NXPH1: variants seen among roughly 807,000 people sequenced by gnomAD.
NXPH1 encodes neurexophilin-1.
In NXPH1, 5 loss-of-function variants were observed where a neutral mutation model predicts 23.7. That is an observed-to-expected ratio of 0.21 (90% CI 0.11 to 0.44). NXPH1 has a LOEUF of 0.44. Ranked by LOEUF, NXPH1 falls within the 20% of genes least tolerant of loss-of-function variation. NXPH1 has a pLI of 0.99. For missense variants in NXPH1, 324 were observed against 321.6 expected (o/e 1.01, Z -0.06); for synonymous variants, 144 against 122.2 (o/e 1.18, Z -1.18).
intron 2 of NXPH1, among the ~76,000 whole-genome samples, chr7:8,447,751 C>T (rs939243097): frequency 5.3e-5 from 8 of 152,194 alleles, no homozygotes; most frequent in African/African-American, 1.4e-4. Context: ...ATTAGGGTGA[C>T]TAACATTAAT....
intron 2 of NXPH1, among the ~76,000 whole-genome samples, chr7:8,563,238 G>A (rs533759352): frequency 6.6e-6 from 1 of 151,812 alleles, no homozygotes; most frequent in Non-Finnish European, 1.5e-5. Context: ...CTAGTGTACA[G>A]CACTACTTAA....
At chr7:8,580,965 T>C (rs1012623324) in intron 2 of NXPH1, among the ~76,000 whole-genome samples, 1 of 152,108 alleles carries the variant, frequency 6.6e-6, no homozygotes, top group Non-Finnish European at 1.5e-5. Context: ...AGTCCTCTAG[T>C]GTTTCTGAAT....
chr7:8,534,975 G>GA (rs1210415652), intron 2 of NXPH1, among the ~76,000 whole-genome samples: 2 of 152,014 alleles, frequency 1.3e-5, no homozygotes, highest in Non-Finnish European at 2.9e-5. Context: ...TAGACAAAAA[G>GA]AAAAAACCCA....
At position 8,442,305 on chromosome 7, in the gene NXPH1, C is replaced by G. The variant is rs572087132; in HGVS notation, c.54+6538C>G. 5.3e-5 allele frequency among the ~76,000 whole-genome samples: 8 copies of G among 152,314 alleles called. No homozygotes were observed. Among genetic ancestry groups the G allele is most frequent in the Admixed American group, 4.6e-4 (7 of 15,308 alleles). ...CTTTCTCCCACAATAAGACAAATTG[C>G]TGCTTAGAAAAACTGAGTGTTTCCT... On this transcript the variant is annotated intron_variant, in intron 2 of 2. Coordinates refer to ENST00000405863, the MANE Select transcript of NXPH1 (RefSeq NM_152745.3). This position sits in a 1 kb window ranked among gnomAD's most constrained non-coding sequence, Gnocchi z 4.6.
At chr7:8,734,181 T>C (rs1465919562) in intron 2 of NXPH1, among the ~76,000 whole-genome samples, 1 of 152,172 alleles carries the variant, frequency 6.6e-6, no homozygotes. Context: ...ATCAGATGGT[T>C]GTAGATGTGT....
At chr7:8,506,747 G>A (rs1817529811) in intron 2 of NXPH1, among the ~76,000 whole-genome samples, 1 of 152,070 alleles carries the variant, frequency 6.6e-6, no homozygotes, top group African/African-American at 2.4e-5. Context: ...AGATGGTGGT[G>A]CTAGCATATC....
At chr7:8,455,734 G>C (rs1165519294) in intron 2 of NXPH1, among the ~76,000 whole-genome samples, 2 of 152,156 alleles carry the variant, frequency 1.3e-5, no homozygotes, top group Non-Finnish European at 2.9e-5. Context: ...TCCTCTCTTC[G>C]TTGCTTCTTC....
At chr7:8,571,893 A>G (rs189198850) in intron 2 of NXPH1, among the ~76,000 whole-genome samples, 2 of 151,858 alleles carry the variant, frequency 1.3e-5, no homozygotes, top group Non-Finnish European at 2.9e-5. Flanking sequence ...AAAAAAAAAA[A>G]AAACACTTGG....
chr7:8,516,080 C>G (rs1482090074), intron 2 of NXPH1, among the ~76,000 whole-genome samples: 1 of 152,102 alleles, frequency 6.6e-6, no homozygotes, highest in Non-Finnish European at 1.5e-5. Context: ...GGCTATTATT[C>G]AAATCCTGCT....
At chr7:8,721,120 C>A (rs1413753595) in intron 2 of NXPH1, among the ~76,000 whole-genome samples, 3 of 152,114 alleles carry the variant, frequency 2.0e-5, no homozygotes, top group Non-Finnish European at 1.5e-5. Context: ...TTTGATAGTT[C>A]TACTGTGGTT....
rs918482872 is a variant in NXPH1, at chr7:8,435,920, A to T, written c.54+153A>T. ...GCAACTTTGGCAAGCTGGTCTCTGG[A>T]TTCCTGCGGATTTTCCGGGGTTCCC... On this transcript the variant is annotated intron_variant, in intron 2 of 2. Transcript: ENST00000405863. The surrounding 1 kb of genome is among the most constrained non-coding windows in gnomAD (Gnocchi z 5.9). 6.6e-6 allele frequency among the ~76,000 whole-genome samples: 1 copy of T among 152,252 alleles called. No homozygotes were observed. The highest frequency in any genetic ancestry group is 1.5e-5 in the Non-Finnish European group (1 of 68,016).
chr7:8,478,885 A>G (rs1817025837), intron 2 of NXPH1, among the ~76,000 whole-genome samples: 1 of 152,098 alleles, frequency 6.6e-6, no homozygotes, highest in Non-Finnish European at 1.5e-5. Context: ...AAAGATTTTT[A>G]TATCTAGAAA....
At chr7:8,725,829 G>A (rs1029093043) in intron 2 of NXPH1, among the ~76,000 whole-genome samples, 6 of 149,828 alleles carry the variant, frequency 4.0e-5, no homozygotes, top group East Asian at 1.9e-4. Flanking sequence ...TGGGTTGACC[G>A]ACATTGTCCA....
chr7:8,752,064 A>G lies in NXPH1; in HGVS notation c.*295A>G. 6.9e-6 allele frequency: 2 copies of G among 290,926 alleles called. No homozygotes were observed. The highest frequency in any genetic ancestry group is 1.3e-5 in the Non-Finnish European group (2 of 153,146). The allele number at this position is 290,926 out of a possible 1,614,324, so 18.0% of individuals were successfully genotyped here. ...ATGCACATTTCAGCTTGCGTCTATC[A>G]TGATTCCTGTTGAGAGGGCTTTCAT... is the stretch of plus-strand genomic sequence containing the variant. On this transcript the variant is annotated 3_prime_UTR_variant, in exon 3 of 3. Coordinates refer to ENST00000405863, the MANE Select transcript of NXPH1 (RefSeq NM_152745.3).
chr7:8,615,738 A>C (rs1819719340), intron 2 of NXPH1, among the ~76,000 whole-genome samples: 1 of 152,082 alleles, frequency 6.6e-6, no homozygotes, highest in Non-Finnish European at 1.5e-5. Flanking sequence ...TAAGAATCAT[A>C]TTTTGAAGAA....
chr7:8,581,645 C>T (rs543039224), intron 2 of NXPH1, among the ~76,000 whole-genome samples: 27 of 152,298 alleles, frequency 1.8e-4, no homozygotes, highest in Non-Finnish European at 3.8e-4. Context: ...ATTAGCACAA[C>T]ATGCTGGAGT....
At chr7:8,556,680 C>G (rs1020150933) in intron 2 of NXPH1, among the ~76,000 whole-genome samples, 1 of 151,696 alleles carries the variant, frequency 6.6e-6, no homozygotes, top group African/African-American at 2.4e-5. Flanking sequence ...GAAAACCACA[C>G]TTGTTTTAAA....
chr7:8,682,182 G>A (rs867406740), intron 2 of NXPH1, among the ~76,000 whole-genome samples: 1 of 152,130 alleles, frequency 6.6e-6, no homozygotes, highest in Admixed American at 6.6e-5. Context: ...GGTTACTTAG[G>A]GTCCTGAGGA....
chr7:8,655,509 CACACACGCACACAT>C (rs1820565992), intron 2 of NXPH1, among the ~76,000 whole-genome samples: 1 of 151,274 alleles, frequency 6.6e-6, no homozygotes, highest in African/African-American at 2.4e-5. Context: ...CACGCACACA[CACACACGCACACAT>C]GCTTTCATGG....
Sources: allele counts gnomAD v4.1 joint callset (sites outside exome capture counted in the v4.1 genomes callset), GRCh38; gene constraint gnomAD v4.1.1; non-coding constraint Gnocchi (gnomAD v3.1); transcripts MANE v1.5; gene names NCBI Gene and HGNC (gene_info 2026-07-23, HGNC 2026-07-21).